HSD17B2: variants seen among roughly 807,000 people sequenced by gnomAD.
The protein encoded by HSD17B2 is hydroxysteroid 17-beta dehydrogenase 2.
Under a neutral mutation model 26.9 loss-of-function variants are expected in HSD17B2, and 32 were observed. The ratio of observed to expected loss-of-function variants is 1.19; its 90% CI spans 0.90 to 1.60. HSD17B2 has a LOEUF of 1.60. HSD17B2 is among the 40% of genes most tolerant of loss of function. HSD17B2 has a pLI of 0.00. For missense variants in HSD17B2, 613 were observed against 468.6 expected, an observed-to-expected ratio of 1.31 and a Z score of -2.85; for synonymous variants, 246 against 186.7, an observed-to-expected ratio of 1.32 and a Z score of -2.59.
intron 1 of HSD17B2, among the ~76,000 whole-genome samples, chr16:82,051,907 C>G (rs1481415737): frequency 6.6e-6 from 1 of 152,176 alleles, no homozygotes; most frequent in Non-Finnish European, 1.5e-5. Context: ...GTGTAATCTT[C>G]CCTGCTCTCT....
intron 2 of HSD17B2, 85 bp downstream of exon 2, chr16:82,068,467 A>G: frequency 9.0e-7 from 1 of 1,109,176 alleles, no homozygotes; most frequent in African/African-American, 1.6e-5. Flanking sequence ...ATGCCCCCCC[A>G]CTCCACTCTG....
intron 1 of HSD17B2, among the ~76,000 whole-genome samples, chr16:82,052,031 T>C (rs143533802): frequency 5.4e-4 from 82 of 152,362 alleles, no homozygotes; most frequent in Admixed American, 1.8e-3. Flanking sequence ...GTCAGTGCCT[T>C]ATACAGAGCC....
intron 1 of HSD17B2, among the ~76,000 whole-genome samples, chr16:82,054,642 G>A (rs1914212129): frequency 2.0e-5 from 3 of 152,194 alleles, no homozygotes; most frequent in Admixed American, 6.5e-5. Flanking sequence ...ACCGGGCTCA[G>A]CCCTGCCCTA....
At chr16:82,041,634 C>T in intron 1 of HSD17B2, among the ~76,000 whole-genome samples, 1 of 152,240 alleles carries the variant, frequency 6.6e-6, no homozygotes, top group East Asian at 1.9e-4. Context: ...TCCAGCACTG[C>T]CGACCATACT....
rs764508648 is a variant in HSD17B2, at chr16:82,035,452, T to C, written c.28T>C (p.Trp10Arg). The change falls in exon 1 of 5, where the codon TGG becomes CGG. Residue 10 changes from tryptophan (W) to arginine (R), a missense_variant. Trp to Arg is a moderately radical substitution (Grantham distance 101). Transcript: ENST00000199936. ...GAGCACTTTCTTCTCGGACACAGCA[T>C]GGATCTGCCTGGCTGTCCCCACAGT... is the stretch of plus-strand genomic sequence containing the variant. MSTFFSDTA[W>R]ICLAVPTVLC... 1.9e-6 allele frequency: 3 copies of C among 1,613,432 alleles called. No individual in the cohort carries two copies. The highest frequency in any genetic ancestry group is 3.3e-5 in the Admixed American group (2 of 60,002).
chr16:82,078,386 C>T (rs1399007076), intron 3 of HSD17B2, among the ~76,000 whole-genome samples: 3 of 152,172 alleles, frequency 2.0e-5, no homozygotes, highest in African/African-American at 7.2e-5. Flanking sequence ...CAGGCAATAA[C>T]AAATCCTGGT....
chr16:82,059,668 A>C (rs1415037296), intron 1 of HSD17B2, among the ~76,000 whole-genome samples: 1 of 152,164 alleles, frequency 6.6e-6, no homozygotes, highest in Non-Finnish European at 1.5e-5. Flanking sequence ...GAGGGAACAA[A>C]AGAATGAAGG....
chr16:82,060,361 G>A (rs1914397853), intron 1 of HSD17B2, among the ~76,000 whole-genome samples: 1 of 152,156 alleles, frequency 6.6e-6, no homozygotes, highest in Middle Eastern at 3.2e-3. Flanking sequence ...GGAAGCTGGT[G>A]ATGGGAATGT....
intron 1 of HSD17B2, among the ~76,000 whole-genome samples, chr16:82,058,677 G>A (rs963480492): frequency 6.6e-6 from 1 of 152,104 alleles, no homozygotes; most frequent in African/African-American, 2.4e-5. Flanking sequence ...TTTTCACGGT[G>A]ACCAGGTCTT....
chr16:82,054,685 C>G (rs772219713), intron 1 of HSD17B2, among the ~76,000 whole-genome samples: 2 of 152,230 alleles, frequency 1.3e-5, no homozygotes, highest in Non-Finnish European at 2.9e-5. Context: ...TTTCCACCAA[C>G]TTGATTTCCC....
intron 1 of HSD17B2, chr16:82,063,136 T>A (rs1914487416): frequency 6.6e-6 from 1 of 152,208 alleles, no homozygotes; most frequent in Admixed American, 6.5e-5. Flanking sequence ...TATATGTGAC[T>A]TTCCCAAGGC....
chr16:82,071,378 T>C, intron 3 of HSD17B2: 1 of 537,172 alleles, frequency 1.9e-6, no homozygotes, highest in Non-Finnish European at 3.4e-6. Context: ...CTTATATGTC[T>C]TTATAATGTG....
chr16:82,083,781 G>T (rs1597137134), intron 3 of HSD17B2, among the ~76,000 whole-genome samples: 1 of 152,124 alleles, frequency 6.6e-6, no homozygotes, highest in East Asian at 1.9e-4. Flanking sequence ...ACTCCTTCCA[G>T]ATTTGACCAT....
chr16:82,093,916 G>C (rs541811205), intron 4 of HSD17B2: 1 of 152,184 alleles, frequency 6.6e-6, no homozygotes, highest in Non-Finnish European at 1.5e-5. Context: ...AGACCATACA[G>C]AGCAACTTCT....
intron 1 of HSD17B2, among the ~76,000 whole-genome samples, chr16:82,041,821 G>A (rs1913773125): frequency 6.6e-6 from 1 of 152,078 alleles, no homozygotes; most frequent in South Asian, 2.1e-4. Context: ...ACCTGCTCCT[G>A]TGGTATCAAT....
intron 1 of HSD17B2, among the ~76,000 whole-genome samples, chr16:82,052,623 A>G (rs1243280797): frequency 6.6e-6 from 1 of 152,144 alleles, no homozygotes; most frequent in Non-Finnish European, 1.5e-5. Flanking sequence ...TAGGAGAGTA[A>G]ATGACAAAGC....
At chr16:82,035,821 T>C (rs1913610299) in intron 1 of HSD17B2, 132 bp downstream of exon 1, 1 of 961,992 alleles carries the variant, frequency 1.0e-6, no homozygotes, top group Admixed American at 2.3e-5. Context: ...CACCCAAGTA[T>C]TTTTCATGAC....
intron 1 of HSD17B2, among the ~76,000 whole-genome samples, chr16:82,060,448 G>A (rs1914400482): frequency 1.3e-5 from 2 of 152,184 alleles, no homozygotes; most frequent in South Asian, 2.1e-4. Flanking sequence ...AGCCCCGGAG[G>A]TCCTCAGCCT....
chr16:82,081,338 A>C (rs116268205), intron 3 of HSD17B2, among the ~76,000 whole-genome samples: 6 of 151,820 alleles, frequency 4.0e-5, no homozygotes, highest in South Asian at 2.1e-4. Flanking sequence ...CTCCTCTTCA[A>C]CCTTTCCTCC....
Sources: gnomAD v4.1 joint callset for allele counts (sites outside exome capture counted in the v4.1 genomes callset) on GRCh38, gnomAD v4.1.1 for gene constraint, MANE v1.5 for transcripts, NCBI Gene and HGNC (gene_info 2026-07-23, HGNC 2026-07-21) for gene names.